NLGN1: variants seen among roughly 807,000 people sequenced by gnomAD.
NLGN1 encodes neuroligin 1, also known as neuroligin-1.
NLGN1 carries 12 observed loss-of-function variants against 65.5 expected under a neutral mutation model. The observed-to-expected ratio is 0.18, with a 90% CI of 0.12 to 0.30. The LOEUF (loss-of-function observed/expected upper bound fraction) is 0.30, where lower values mean the gene tolerates loss of function less well. Among genes scored for constraint, NLGN1 ranks in the 10% least tolerant of loss-of-function variants. The pLI, the probability that NLGN1 is intolerant of heterozygous loss-of-function variation, is 1.00. For missense variants in NLGN1, 750 were observed against 1,007.1 expected (o/e 0.74, Z 3.46); for synonymous variants, 350 against 359.5 (o/e 0.97, Z 0.30).
chr3:173,916,729 G>A (rs1264072511), intron 4 of NLGN1, among the ~76,000 whole-genome samples: 4 of 152,086 alleles, frequency 2.6e-5, no homozygotes, highest in Admixed American at 6.6e-5. Flanking sequence ...TGATCAGACT[G>A]GAATATAGGA....
chr3:173,623,730 G>A (rs983425114), intron 3 of NLGN1, among the ~76,000 whole-genome samples: 2 of 152,068 alleles, frequency 1.3e-5, no homozygotes, highest in African/African-American at 2.4e-5. Flanking sequence ...ATGTTTGTGC[G>A]TAAGAGAGTG....
chr3:173,713,167 C>T (rs1030897477), intron 3 of NLGN1, among the ~76,000 whole-genome samples: 2 of 151,944 alleles, frequency 1.3e-5, no homozygotes, highest in Admixed American at 6.6e-5. Context: ...AATTGTTTTC[C>T]AAAAAATGGC....
intron 2 of NLGN1, among the ~76,000 whole-genome samples, chr3:173,519,649 C>T (rs1258382903): frequency 6.6e-6 from 1 of 151,640 alleles, no homozygotes; most frequent in African/African-American, 2.4e-5. Flanking sequence ...CAATTTCTCT[C>T]TTTTGGAATG....
At chr3:173,503,800 C>T (rs1731552031) in intron 2 of NLGN1, among the ~76,000 whole-genome samples, 2 of 151,992 alleles carry the variant, frequency 1.3e-5, no homozygotes, top group Admixed American at 1.3e-4. Context: ...GGGTGTAGCA[C>T]TGTAAATCTG....
intron 3 of NLGN1, among the ~76,000 whole-genome samples, chr3:173,765,052 ATG>A (rs55747253): frequency 0.075 from 10,171 of 136,092 alleles, 448 homozygotes; most frequent in East Asian, 0.18. Context: ...CTGTGGGTGC[ATG>A]TGTGTGTGTG....
At chr3:173,928,157 A>G (rs988376622) in intron 4 of NLGN1, among the ~76,000 whole-genome samples, 11 of 152,192 alleles carry the variant, frequency 7.2e-5, no homozygotes, top group African/African-American at 2.7e-4. Flanking sequence ...TGAGTTACCT[A>G]TTGTTAATCT....
chr3:173,441,067 T>C (rs2148795709), intron 2 of NLGN1, among the ~76,000 whole-genome samples: 1 of 152,214 alleles, frequency 6.6e-6, no homozygotes, highest in East Asian at 1.9e-4. Flanking sequence ...TCTTCTTTCC[T>C]TCAACCTCAT....
In NLGN1 at chr3:174,191,459, C is replaced by T. The variant is rs139491322; in HGVS notation, c.647-83856C>T. ...ACACAGCTAATAAGCAAAAGACAAACGAGCAAAGCTATATTTGCTACACTG... is the reference window on the plus strand; with the variant it reads ...ACACAGCTAATAAGCAAAAGACAAATGAGCAAAGCTATATTTGCTACACTG... On this transcript the variant is annotated intron_variant, in intron 4 of 6. Transcript: ENST00000457714. Among the ~76,000 whole-genome samples, 13 of 152,234 alleles carry T rather than the reference C, an allele frequency of 8.5e-5. No individual in the cohort carries two copies. The East Asian group carries it at 9.7e-4, about 11-fold the overall frequency.
intron 4 of NLGN1, among the ~76,000 whole-genome samples, chr3:174,194,798 A>G (rs549081714): frequency 4.0e-4 from 60 of 150,800 alleles, no homozygotes; most frequent in African/African-American, 1.4e-3. Context: ...AAAAAAAAAA[A>G]AAAAGGAAAT....
At chr3:174,122,475 A>G (rs999109547) in intron 4 of NLGN1, among the ~76,000 whole-genome samples, 2 of 152,172 alleles carry the variant, frequency 1.3e-5, no homozygotes, top group Non-Finnish European at 2.9e-5. Context: ...CTGAAAATCC[A>G]CCAGGATCCC....
At chr3:173,522,006 A>G (rs1210166049) in intron 2 of NLGN1, among the ~76,000 whole-genome samples, 1 of 152,236 alleles carries the variant, frequency 6.6e-6, no homozygotes, top group Non-Finnish European at 1.5e-5. Flanking sequence ...TACTAGTTAC[A>G]CTAGAAGCCC....
chr3:173,774,788 G>C (rs937298975), intron 3 of NLGN1, among the ~76,000 whole-genome samples: 1 of 151,940 alleles, frequency 6.6e-6, no homozygotes, highest in African/African-American at 2.4e-5. Flanking sequence ...GATATTTGGG[G>C]AGTGAGAGGA....
intron 3 of NLGN1, among the ~76,000 whole-genome samples, chr3:173,650,197 A>C (rs1758929835): frequency 6.6e-6 from 1 of 152,092 alleles, no homozygotes; most frequent in Non-Finnish European, 1.5e-5. Context: ...CACTTCATTC[A>C]TCTTCAGCTA....
intron 3 of NLGN1, among the ~76,000 whole-genome samples, chr3:173,640,618 A>T (rs569826022): frequency 6.6e-6 from 1 of 152,266 alleles, no homozygotes; most frequent in South Asian, 2.1e-4. Flanking sequence ...AAATTTACCT[A>T]ATTGACCCAA....
chr3:173,580,004 T>G (rs554462261), intron 2 of NLGN1, among the ~76,000 whole-genome samples: 1 of 152,210 alleles, frequency 6.6e-6, no homozygotes, highest in Admixed American at 6.5e-5. Flanking sequence ...AATATTTCGG[T>G]TATTTCTTCT....
intron 4 of NLGN1, among the ~76,000 whole-genome samples, chr3:174,094,005 A>T (rs1744993794): frequency 6.6e-6 from 1 of 152,062 alleles, no homozygotes; most frequent in Non-Finnish European, 1.5e-5. Context: ...ATTTGGGGAA[A>T]TTTTTCTTTA....
chr3:173,570,957 C>A (rs900302400), intron 2 of NLGN1, among the ~76,000 whole-genome samples: 4 of 152,168 alleles, frequency 2.6e-5, no homozygotes, highest in African/African-American at 9.7e-5. Context: ...CCGTCTCGGC[C>A]TCTCAAAGTG....
intron 4 of NLGN1, among the ~76,000 whole-genome samples, chr3:174,256,830 C>T (rs192391966): frequency 6.8e-4 from 104 of 152,080 alleles, no homozygotes; most frequent in African/African-American, 2.1e-3. Context: ...CTAGGTAATA[C>T]GATTCAGGAC....
At position 173,818,828 on chromosome 3, in the gene NLGN1, C is replaced by G. The variant is rs191723107; in HGVS notation, c.646+10996C>G. Among the ~76,000 whole-genome samples the G allele has an allele frequency of 1.8e-4, 26 of 146,130 alleles. No individual in the cohort carries two copies. The East Asian group carries it at 5.0e-3, about 28-fold the overall frequency. ...TCTTCAGCCAGGGTCAGTTTTTTCT[C>G]TCTGTTACAAAAAGACAATGAGGGC... is the stretch of plus-strand genomic sequence containing the variant. On this transcript the variant is annotated intron_variant, in intron 4 of 6. Coordinates refer to ENST00000457714, the Ensembl canonical transcript of NLGN1.
Sources: allele counts gnomAD v4.1 joint callset (sites outside exome capture counted in the v4.1 genomes callset), GRCh38; gene constraint gnomAD v4.1.1; transcripts MANE v1.5; gene names NCBI Gene and HGNC (gene_info 2026-07-23, HGNC 2026-07-21).